Variants in TTC5 observed in about 807,000 individuals in gnomAD.
The protein encoded by TTC5 is tetratricopeptide repeat domain 5.
Under a neutral mutation model 57.4 loss-of-function variants are expected in TTC5, and 46 were observed. The observed-to-expected ratio is 0.80, with a 90% CI of 0.63 to 1.03. The LOEUF (loss-of-function observed/expected upper bound fraction) is 1.03. Ranked by LOEUF, TTC5 falls within the 50% of genes least tolerant of loss-of-function variation. TTC5 has a pLI of 0.00. For missense variants in TTC5, 504 were observed against 528.1 expected (o/e 0.95, Z 0.45); for synonymous variants, 190 against 203.5 (o/e 0.93, Z 0.57).
intron 1 of TTC5, among the ~76,000 whole-genome samples, chr14:20,304,651 A>G (rs969937920): frequency 6.6e-6 from 1 of 152,224 alleles, no homozygotes; most frequent in Non-Finnish European, 1.5e-5. Context: ...TAGGACATTT[A>G]CCACAAATGA....
intron 5 of TTC5, 21 bp downstream of exon 5, chr14:20,298,776 C>G (rs1264634790): frequency 1.3e-6 from 2 of 1,568,046 alleles, no homozygotes; most frequent in African/African-American, 1.4e-5. Flanking sequence ...TTCATCTGGC[C>G]TGGTGACCAT....
At chr14:20,290,392 G>A (rs1159299816) in intron 9 of TTC5, among the ~76,000 whole-genome samples, 3 of 152,158 alleles carry the variant, frequency 2.0e-5, no homozygotes, top group African/African-American at 7.2e-5. Context: ...AAATTTAAAA[G>A]TTCTCATAAA....
rs987311718 is a variant in TTC5, at chr14:20,287,615, T to C, written c.*2012A>G. 4 of 152,232 alleles carry C rather than the reference T, an allele frequency of 2.6e-5. No homozygotes were observed. Among genetic ancestry groups the C allele is most frequent in the East Asian group, 1.9e-4 (1 of 5,202 alleles). The allele number at this position is 152,232 out of a possible 1,614,324, so 9.4% of individuals were successfully genotyped here. A position where few individuals can be genotyped will look rare whatever the true frequency, so the allele number is the denominator to read the frequency against. On this transcript the variant is annotated 3_prime_UTR_variant, in exon 10 of 10. Coordinates refer to ENST00000258821, the MANE Select transcript of TTC5 (RefSeq NM_138376.3). The stretch of plus-strand genomic sequence containing the variant: ...TATTCTAGTTATTCCTGAAACCGTA[T>C]GTACAAATTTTGCATACTTACTTGT...
Position 20,295,730 on chromosome 14 carries a change from A to C in TTC5, c.821T>G (p.Leu274Ter). The change falls in exon 7 of 10, where the codon TTA becomes TGA. Residue 274 changes from leucine to a stop codon, truncating the protein, a stop_gained. Transcript: ENST00000258821. LOFTEE classifies it high-confidence loss of function. Reference sequence around the variant, plus strand: ...TACCTTACTCTCAAGGAGGCTGGTTAATCTATCCAGGAATTCCAGAAGTTG... The same window carrying C: ...TACCTTACTCTCAAGGAGGCTGGTTCATCTATCCAGGAATTCCAGAAGTTG... ...EQQLLEFLDR[L>*]TSLLESKGKV... 1 of 1,612,956 alleles carries C rather than the reference A, an allele frequency of 6.2e-7. No individual in the cohort carries two copies. The highest frequency in any genetic ancestry group is 8.5e-7 in the Non-Finnish European group (1 of 1,179,742).
At position 20,300,681 on chromosome 14, in the gene TTC5, GGTTCCAGGCTTCCACCAGCTC is replaced by G; in HGVS notation, c.301_321del (p.Glu101_Asn107del). On this transcript the variant is annotated inframe_deletion, in exon 3 of 10. Transcript: ENST00000258821. Reference sequence around the variant, plus strand: ...TTTTTCCAGTACACCTCACCCAGCTGGTTCCAGGCTTCCACCAGCTCGGGCTCCAGCTTCACAGCCTTTGAC... The same window carrying G: ...TTTTTCCAGTACACCTCACCCAGCTGGGGCTCCAGCTTCACAGCCTTTGAC... 1 of 1,614,128 alleles carries G rather than the reference GGTTCCAGGCTTCCACCAGCTC, an allele frequency of 6.2e-7. No individual in the cohort carries two copies.
chr14:20,298,766 T>C (rs980255912), intron 5 of TTC5, 31 bp downstream of exon 5: 3 of 1,488,752 alleles, frequency 2.0e-6, no homozygotes, highest in African/African-American at 2.8e-5. Flanking sequence ...TTGTTGCCTA[T>C]TCATCTGGCC....
chr14:20,300,661 C>T lies in TTC5; in HGVS notation c.342G>A (p.Trp114Ter). The T allele has an allele frequency of 6.2e-7, 1 of 1,614,016 alleles. No individual in the cohort carries two copies. Among genetic ancestry groups the T allele is most frequent in the Non-Finnish European group, 8.5e-7 (1 of 1,179,980 alleles). Residue 114 changes from tryptophan (W) to a stop codon, truncating the protein, a stop_gained, in exon 3 of 10, where the codon TGG (tryptophan) becomes TGA (stop). Coordinates refer to ENST00000258821, the MANE Select transcript of TTC5 (RefSeq NM_138376.3). LOFTEE classifies it high-confidence loss of function. ...EAWNQLGEVY[W>*]KKGDVAAAHT... ...GGGCAGCTGCAACATCCCCTTTTTT[C>T]CAGTACACCTCACCCAGCTGGTTCC...
intron 2 of TTC5, among the ~76,000 whole-genome samples, chr14:20,301,219 TAAAAC>T (rs1013691265): frequency 6.6e-6 from 1 of 152,142 alleles, no homozygotes; most frequent in Non-Finnish European, 1.5e-5. Flanking sequence ...TAGTTATCGT[TAAAAC>T]AAAACAGAGA....
At chr14:20,290,410 T>C (rs1255166075) in intron 9 of TTC5, among the ~76,000 whole-genome samples, 2 of 152,348 alleles carry the variant, frequency 1.3e-5, no homozygotes, top group East Asian at 3.9e-4. Context: ...AAACCAATTT[T>C]TTTTAAGTCT....
rs148880396 is a variant in TTC5 at position 20,287,170 on chromosome 14, A to G, written c.*2457T>C. 2.9e-3 allele frequency: 441 copies of G among 152,316 alleles called. 1 individual carries two copies. Among genetic ancestry groups the G allele is most frequent in the Non-Finnish European group, 5.3e-3 (362 of 68,046 alleles). The allele number at this position is 152,316 out of a possible 1,614,324, so 9.4% of individuals were successfully genotyped here. A position where few individuals can be genotyped will look rare whatever the true frequency, so the allele number is the denominator to read the frequency against. ...TCTTAAACAGTGGTTCTCAAATTTT[A>G]CTGTGCATCAGAGTCACCTGGAGGG... On this transcript the variant is annotated 3_prime_UTR_variant, in exon 10 of 10. Coordinates refer to ENST00000258821, the MANE Select transcript of TTC5 (RefSeq NM_138376.3).
chr14:20,305,819 C>A, intron 1 of TTC5, 68 bp downstream of exon 1: 1 of 1,475,712 alleles, frequency 6.8e-7, no homozygotes, highest in Non-Finnish European at 9.5e-7. Context: ...ACGGGCAGTA[C>A]ATAAACTGGA....
In TTC5 at chr14:20,300,774, C is replaced by T; in HGVS notation, c.229G>A (p.Ala77Thr). 1 of 1,614,140 alleles carries T rather than the reference C, an allele frequency of 6.2e-7. No homozygotes were observed. The highest frequency in any genetic ancestry group is 8.5e-7 in the Non-Finnish European group (1 of 1,180,036). ...KAQVLMLTGK[A>T]LNVTPDYSPK... The stretch of plus-strand genomic sequence containing the variant: ...CTATAGTCAGGAGTCACATTTAGTG[C>T]TTTCCCAGTTAGCATTAGAACTTGT... The change falls in exon 3 of 10, where the codon GCA becomes ACA. Residue 77 changes from alanine (A) to threonine (T), a missense_variant. Coordinates refer to ENST00000258821, the MANE Select transcript of TTC5 (RefSeq NM_138376.3).
At chr14:20,299,012 A>G in intron 4 of TTC5, 124 bp from the exon 5 acceptor site, 1 of 799,826 alleles carries the variant, frequency 1.3e-6, no homozygotes, top group Non-Finnish European at 2.0e-6. Flanking sequence ...ATGACACGAT[A>G]CTTAGTATAC....
chr14:20,288,127 T>G lies in TTC5; in HGVS notation c.*1500A>C, dbSNP rs1881876510. 6.6e-6 allele frequency: 1 copy of G among 152,198 alleles called. No individual in the cohort carries two copies. The highest frequency in any genetic ancestry group is 1.5e-5 in the Non-Finnish European group (1 of 68,036). The allele number at this position is 152,198 out of a possible 1,614,324, so 9.4% of individuals were successfully genotyped here. On this transcript the variant is annotated 3_prime_UTR_variant, in exon 10 of 10. Transcript: ENST00000258821. ...TGTAAGCCTTTTTGGACCAAAAGAA[T>G]GGACTGAAAATTTTATCTTATTAGA...
intron 9 of TTC5, among the ~76,000 whole-genome samples, 158 bp downstream of exon 9, chr14:20,291,825 C>T (rs989205005): frequency 1.3e-5 from 2 of 151,152 alleles, no homozygotes; most frequent in Non-Finnish European, 2.9e-5. Flanking sequence ...TAAAAAAATA[C>T]ATATATATAT....
chr14:20,301,082 G>A (rs1273402280), intron 2 of TTC5, among the ~76,000 whole-genome samples: 2 of 152,198 alleles, frequency 1.3e-5, no homozygotes, highest in African/African-American at 4.8e-5. Flanking sequence ...AACTTTCCTA[G>A]AGGGGTTTAC....
In TTC5 at chr14:20,289,368, T is replaced by C. The variant is rs1881905306; in HGVS notation, c.*259A>G. On this transcript the variant is annotated 3_prime_UTR_variant, in exon 10 of 10. Transcript: ENST00000258821. ...GATCCCAAGACTTCTACCAATTCCA[T>C]GCTCTTTGCTTAAAACATAGAGAGC... is the stretch of plus-strand genomic sequence containing the variant. 1.0e-5 allele frequency: 3 copies of C among 301,010 alleles called. No individual in the cohort carries two copies. Among genetic ancestry groups the C allele is most frequent in the Non-Finnish European group, 1.8e-5 (3 of 162,424 alleles). The allele number at this position is 301,010 out of a possible 1,614,324, so 18.6% of individuals were successfully genotyped here. A position where few individuals can be genotyped will look rare whatever the true frequency, so the allele number is the denominator to read the frequency against.
chr14:20,288,988 A>T lies in TTC5; in HGVS notation c.*639T>A, dbSNP rs762470402. ...TTGCCATTCCTGCCTGGGGCTGTCT[A>T]TTGTCGGAATTCTTTTAACTGGGAG... On this transcript the variant is annotated 3_prime_UTR_variant, in exon 10 of 10. Coordinates refer to ENST00000258821, the MANE Select transcript of TTC5 (RefSeq NM_138376.3). The T allele has an allele frequency of 6.6e-6, 1 of 152,064 alleles. No individual in the cohort carries two copies. The highest frequency in any genetic ancestry group is 1.5e-5 in the Non-Finnish European group (1 of 68,016). 9.4% of individuals were successfully genotyped at this position (152,064 alleles called of 1,614,324 possible). A position where few individuals can be genotyped will look rare whatever the true frequency, so the allele number is the denominator to read the frequency against.
rs767460359 is a variant in TTC5 at position 20,298,806 on chromosome 14, A to G, written c.630T>C (p.Tyr210=). The part of the protein sequence containing the change: ...PKISQQALSA[Y]AQAEKVDRKA... ...GACCATAAGTACTTACTGCTTGGGC[A>G]TAGGCACTGAGGGCTTGCTGGGAGA... The change falls in exon 5 of 10, where the codon TAT becomes TAC. Residue 210 remains tyrosine (Y), a synonymous_variant. Coordinates refer to ENST00000258821, the MANE Select transcript of TTC5 (RefSeq NM_138376.3). The G allele has an allele frequency of 7.4e-6, 12 of 1,612,826 alleles. No homozygotes were observed. In the East Asian group the frequency reaches 2.0e-4, roughly 27 times the overall value.
Sources: gnomAD v4.1 joint callset for allele counts (sites outside exome capture counted in the v4.1 genomes callset) on GRCh38, gnomAD v4.1.1 for gene constraint, MANE v1.5 for transcripts, NCBI Gene and HGNC (gene_info 2026-07-23, HGNC 2026-07-21) for gene names.